MALRD1: variants seen among roughly 807,000 people sequenced by gnomAD.
The protein encoded by MALRD1 is MAM and LDL receptor class A domain containing 1, also known as MAM and LDL-receptor class A domain-containing protein 1.
A neutral mutation model predicts 242.1 loss-of-function variants in MALRD1; 247 were observed. That is an observed-to-expected ratio of 1.02 (90% CI 0.92 to 1.13). The LOEUF (loss-of-function observed/expected upper bound fraction) is 1.13. Ranked by LOEUF, MALRD1 falls within the 50% of genes most tolerant of loss-of-function variation. The pLI is 0.00. For synonymous variants in MALRD1, 995 were observed against 866.6 expected, an observed-to-expected ratio of 1.15 and a Z score of -2.60; for missense variants, 2,989 against 2,533.1, an observed-to-expected ratio of 1.18 and a Z score of -3.86.
rs568709184 is a variant in MALRD1 at position 19,122,846 on chromosome 10, C to T, written c.695-646C>T. Among the ~76,000 whole-genome samples the T allele has an allele frequency of 1.6e-4, 24 of 152,230 alleles. 1 individual carries two copies. The East Asian group carries it at 4.3e-3, about 27-fold the overall frequency. On this transcript the variant is annotated intron_variant, in intron 5 of 39. Coordinates refer to ENST00000454679, the MANE Select transcript of MALRD1 (RefSeq NM_001142308.3). The stretch of plus-strand genomic sequence containing the variant: ...GTTCAAGCAATTCTCCTGCCTCAGC[C>T]TCCCTAGTAGCTGGGATTATGGATG...
At chr10:19,455,477 A>G (rs771411805) in intron 29 of MALRD1, among the ~76,000 whole-genome samples, 4 of 152,178 alleles carry the variant, frequency 2.6e-5, no homozygotes, top group Non-Finnish European at 5.9e-5. Flanking sequence ...TATCTGCTGT[A>G]TGATTTTAGG....
In MALRD1 at chr10:19,514,021, C is replaced by T. The variant is rs146005722; in HGVS notation, c.5320+15375C>T. Among the ~76,000 whole-genome samples, 8 of 152,214 alleles carry T rather than the reference C, an allele frequency of 5.3e-5. No homozygotes were observed. The East Asian group carries it at 5.8e-4, about 11-fold the overall frequency. On this transcript the variant is annotated intron_variant, in intron 31 of 39. Transcript: ENST00000454679. ...AACCTGTACTTGTTAGAGTCCTTTC[C>T]GTGAATCCCCTGAAAGATAAAATAT...
chr10:19,600,595 A>G (rs1486616853), intron 34 of MALRD1, among the ~76,000 whole-genome samples: 4 of 152,182 alleles, frequency 2.6e-5, no homozygotes, highest in African/African-American at 4.8e-5. Context: ...TTTCTCTGCC[A>G]TTAGAAATAT....
chr10:19,238,043 C>T (rs186789373), intron 18 of MALRD1, among the ~76,000 whole-genome samples: 1 of 356 alleles, frequency 2.8e-3, no homozygotes, highest in East Asian at 0.056. Flanking sequence ...ATATATAATT[C>T]TATGTAATTT....
At chr10:19,663,806 T>C (rs913416953) in intron 36 of MALRD1, among the ~76,000 whole-genome samples, 19 of 152,052 alleles carry the variant, frequency 1.2e-4, no homozygotes, top group African/African-American at 2.9e-4. Flanking sequence ...GTTTTTTTTT[T>C]CCCAGATATT....
At chr10:19,163,926 A>G (rs1161322137) in intron 12 of MALRD1, among the ~76,000 whole-genome samples, 2 of 152,198 alleles carry the variant, frequency 1.3e-5, no homozygotes, top group African/African-American at 4.8e-5. Context: ...ACTGAGTGAC[A>G]GTTTGACAGC....
intron 29 of MALRD1, among the ~76,000 whole-genome samples, chr10:19,463,817 G>T (rs915030281): frequency 2.0e-5 from 3 of 152,076 alleles, no homozygotes; most frequent in Admixed American, 1.3e-4. Flanking sequence ...GGTTGTACTA[G>T]TTTACATTCC....
intron 24 of MALRD1, among the ~76,000 whole-genome samples, chr10:19,332,325 A>G (rs1238592873): frequency 1.3e-5 from 2 of 152,080 alleles, no homozygotes; most frequent in Non-Finnish European, 2.9e-5. Flanking sequence ...AAAAAAATCA[A>G]CACCCTGATA....
chr10:19,477,649 G>A (rs1198311885), intron 29 of MALRD1, among the ~76,000 whole-genome samples: 1 of 152,118 alleles, frequency 6.6e-6, no homozygotes, highest in African/African-American at 2.4e-5. Context: ...AAAAAGAATA[G>A]CGCTCTTTCT....
chr10:19,283,060 TG>T lies in MALRD1; in HGVS notation c.3300del (p.Trp1100CysfsTer84), dbSNP rs1345080182. 1 of 1,549,350 alleles carries T rather than the reference TG, an allele frequency of 6.5e-7. No individual in the cohort carries two copies. The highest frequency in any genetic ancestry group is 2.4e-5 in the East Asian group (1 of 40,824). ...CSFEKRSLCK[W>X]YQPIPVHLLQ... ...CTTTGAGAAAAGAAGCCTGTGTAAA[TG>T]GTATCAACCAATCCCAGTACATTTG... On this transcript the variant is annotated frameshift_variant, in exon 21 of 40. Coordinates refer to ENST00000454679, the MANE Select transcript of MALRD1 (RefSeq NM_001142308.3). LOFTEE classifies it high-confidence loss of function.
intron 19 of MALRD1, among the ~76,000 whole-genome samples, chr10:19,263,262 G>C (rs548129245): frequency 6.6e-6 from 1 of 152,066 alleles, no homozygotes; most frequent in Non-Finnish European, 1.5e-5. Context: ...TCCTACCAAC[G>C]GGTATAAGTG....
intron 36 of MALRD1, among the ~76,000 whole-genome samples, chr10:19,643,292 A>G (rs1365386214): frequency 6.6e-6 from 1 of 152,044 alleles, no homozygotes; most frequent in Non-Finnish European, 1.5e-5. Context: ...AAAAGAAAAA[A>G]AAAATTAGGC....
At chr10:19,060,928 C>T (rs905677347) in intron 1 of MALRD1, among the ~76,000 whole-genome samples, 2 of 152,142 alleles carry the variant, frequency 1.3e-5, no homozygotes, top group Non-Finnish European at 2.9e-5. Context: ...ATGTGAAATA[C>T]TATGTAGCCA....
intron 33 of MALRD1, among the ~76,000 whole-genome samples, chr10:19,591,078 C>T (rs1837754979): frequency 6.6e-6 from 1 of 152,184 alleles, no homozygotes; most frequent in Non-Finnish European, 1.5e-5. Context: ...CCTCCCACCC[C>T]ATAATTCCTG....
intron 38 of MALRD1, among the ~76,000 whole-genome samples, chr10:19,727,640 A>G (rs1835095387): frequency 6.6e-6 from 1 of 152,122 alleles, no homozygotes; most frequent in Admixed American, 6.6e-5. Context: ...CTTTATCATC[A>G]TTATTCCTAG....
chr10:19,342,605 A>C (rs766683847), intron 24 of MALRD1, among the ~76,000 whole-genome samples: 10 of 152,180 alleles, frequency 6.6e-5, no homozygotes, highest in Non-Finnish European at 1.2e-4. Flanking sequence ...GCTTTCATGA[A>C]AGTAACACAT....
At chr10:19,087,604 A>C (rs1034007007) in intron 2 of MALRD1, among the ~76,000 whole-genome samples, 1 of 151,362 alleles carries the variant, frequency 6.6e-6, no homozygotes. Flanking sequence ...TATGGGGTAC[A>C]TGAGATGTTT....
At chr10:19,506,340 C>T (rs1418597081) in intron 31 of MALRD1, among the ~76,000 whole-genome samples, 1 of 152,186 alleles carries the variant, frequency 6.6e-6, no homozygotes, top group African/African-American at 2.4e-5. Context: ...AGAAACAGAA[C>T]TCAGCATAAT....
rs1372813032 is a variant in MALRD1, at chr10:19,672,833, AT to A, written c.6138-19447del. Among the ~76,000 whole-genome samples, 111 of 152,166 alleles carry A rather than the reference AT, an allele frequency of 7.3e-4. 1 individual carries two copies. Among genetic ancestry groups the A allele is most frequent in the Non-Finnish European group, 7.6e-4 (52 of 68,032 alleles). ...CATTTTTGAGATAATTCACCAGTAA[AT>A]TGATGGAGGCCAGAAAATATCTTAA... is the stretch of plus-strand genomic sequence containing the variant. On this transcript the variant is annotated intron_variant, in intron 36 of 39. Coordinates refer to ENST00000454679, the MANE Select transcript of MALRD1 (RefSeq NM_001142308.3).
Sources: allele counts gnomAD v4.1 joint callset (sites outside exome capture counted in the v4.1 genomes callset), GRCh38; gene constraint gnomAD v4.1.1; transcripts MANE v1.5; gene names NCBI Gene and HGNC (gene_info 2026-07-23, HGNC 2026-07-21).